Variants in MTUS2 observed in about 807,000 individuals in gnomAD.
MTUS2 encodes microtubule-associated tumor suppressor candidate 2.
Under a neutral mutation model 114.1 loss-of-function variants are expected in MTUS2, and 40 were observed. That is an observed-to-expected ratio of 0.35 (90% CI 0.27 to 0.46). MTUS2 has a LOEUF of 0.46. MTUS2 is among the 20% of genes least tolerant of loss of function. MTUS2 has a pLI of 1.00. For synonymous variants in MTUS2, 688 were observed against 672.0 expected, an observed-to-expected ratio of 1.02 and a Z score of -0.37; for missense variants, 1,679 against 1,705.4, an observed-to-expected ratio of 0.98 and a Z score of 0.27.
intron 2 of MTUS2, among the ~76,000 whole-genome samples, chr13:28,960,876 TAC>T (rs1883295909): frequency 6.6e-6 from 1 of 151,812 alleles, no homozygotes; most frequent in African/African-American, 2.4e-5. Flanking sequence ...TCAATAAATA[TAC>T]ACAATGTTTC....
chr13:28,894,155 C>G (rs1025909336), intron 2 of MTUS2, among the ~76,000 whole-genome samples: 11 of 151,270 alleles, frequency 7.3e-5, no homozygotes, highest in African/African-American at 2.4e-4. Context: ...TATTGAAGTT[C>G]CAGCTCCTAA....
chr13:29,480,326 G>T lies in MTUS2; in HGVS notation c.3361G>T (p.Asp1121Tyr). Residue 1121 changes from aspartate (D) to tyrosine (Y), a missense_variant, in exon 10 of 16, where the codon GAC (aspartate) becomes TAC (tyrosine). Asp to Tyr is a radical substitution (Grantham distance 160, BLOSUM62 -3). This residue lies in a region of MTUS2 where 822 missense variants were observed against 899.7 expected (regional missense o/e 0.91). Transcript: ENST00000612955. The surrounding 1 kb of genome is among the most constrained non-coding windows in gnomAD (Gnocchi z 4.4). ...GGCGCGCCTGCAGGAGGAGCACGGT[G>T]ACCAGCTGCTGAGCATCCGGTGTCA... The part of the protein sequence containing the change: ...EMARLQEEHG[D>Y]QLLSIRCQHQ... 1.3e-6 allele frequency: 2 copies of T among 1,551,428 alleles called. No homozygotes were observed. The highest frequency in any genetic ancestry group is 8.7e-7 in the Non-Finnish European group (1 of 1,147,240).
chr13:29,277,413 T>C (rs1274870337), intron 5 of MTUS2, among the ~76,000 whole-genome samples: 1 of 152,242 alleles, frequency 6.6e-6, no homozygotes, highest in East Asian at 1.9e-4. Context: ...GGAACTTATA[T>C]GCAAAAGTAA....
At chr13:29,334,733 T>C (rs1900963355) in intron 7 of MTUS2, among the ~76,000 whole-genome samples, 1 of 152,198 alleles carries the variant, frequency 6.6e-6, no homozygotes, top group Non-Finnish European at 1.5e-5. Flanking sequence ...ATCTTCTGAA[T>C]TTGAATGTTG....
chr13:28,827,961 A>G lies in MTUS2; in HGVS notation c.-316+7350A>G, dbSNP rs373749689. Among the ~76,000 whole-genome samples, 151 of 152,312 alleles carry G rather than the reference A, an allele frequency of 9.9e-4. 1 individual carries two copies. The highest frequency in any genetic ancestry group is 3.5e-3 in the African/African-American group (146 of 41,562). On this transcript the variant is annotated intron_variant, in intron 1 of 15. Transcript: ENST00000612955. ...TTGTCATTGATAACATCTTATCAGG[A>G]GACAGGGTTTGAGAGCAGACAACTA...
intron 4 of MTUS2, among the ~76,000 whole-genome samples, chr13:29,038,538 G>A (rs1308360198): frequency 1.3e-5 from 2 of 152,234 alleles, no homozygotes; most frequent in Non-Finnish European, 2.9e-5. Flanking sequence ...ACTTGAGGAG[G>A]CAGTCTGACC....
chr13:29,359,157 T>G, intron 7 of MTUS2, 105 bp from the exon 8 acceptor site: 1 of 1,111,738 alleles, frequency 9.0e-7, no homozygotes, highest in Non-Finnish European at 1.3e-6. Context: ...GTGGGCAATT[T>G]CTTCTCTACC....
chr13:29,167,043 GA>G (rs1312201532), intron 5 of MTUS2, among the ~76,000 whole-genome samples: 1 of 152,084 alleles, frequency 6.6e-6, no homozygotes, highest in African/African-American at 2.4e-5. Context: ...TATAATTCTT[GA>G]GTATTCTCTA....
chr13:29,072,603 C>G (rs965520699), intron 4 of MTUS2, among the ~76,000 whole-genome samples: 1 of 152,188 alleles, frequency 6.6e-6, no homozygotes, highest in Admixed American at 6.5e-5. Flanking sequence ...AATTTTACTT[C>G]CATTTTGAAA....
At chr13:28,924,199 G>A (rs183307502) in intron 2 of MTUS2, among the ~76,000 whole-genome samples, 4 of 152,286 alleles carry the variant, frequency 2.6e-5, no homozygotes, top group South Asian at 4.1e-4. Context: ...ACAGTCCTAG[G>A]TAGGTCCCTG....
intron 7 of MTUS2, among the ~76,000 whole-genome samples, chr13:29,338,267 T>C (rs1424010426): frequency 6.6e-6 from 1 of 152,182 alleles, no homozygotes; most frequent in East Asian, 1.9e-4. Context: ...TTTTTTTCTT[T>C]TGTACACTGT....
intron 10 of MTUS2, among the ~76,000 whole-genome samples, chr13:29,486,617 G>T (rs1011704196): frequency 3.9e-5 from 6 of 152,184 alleles, no homozygotes; most frequent in African/African-American, 1.2e-4. Context: ...CAAATGCCAA[G>T]TTTTGATGCA....
At chr13:29,346,581 C>A (rs1473670322) in intron 7 of MTUS2, among the ~76,000 whole-genome samples, 2 of 85,512 alleles carry the variant, frequency 2.3e-5, no homozygotes, top group Non-Finnish European at 5.2e-5. Flanking sequence ...GAGGGACATG[C>A]CCCAGGCTAC....
Position 29,026,355 on chromosome 13 carries a change from A to G in MTUS2, c.1657A>G (p.Ser553Gly). 2.5e-6 allele frequency: 4 copies of G among 1,613,998 alleles called. No individual in the cohort carries two copies. The highest frequency in any genetic ancestry group is 2.5e-6 in the Non-Finnish European group (3 of 1,179,882). Residue 553 changes from serine (S) to glycine (G), a missense_variant, in exon 3 of 16, where the codon AGC becomes GGC. Coordinates refer to ENST00000612955, the MANE Select transcript of MTUS2 (RefSeq NM_001033602.4). ...NMTYQPTTPSSSFQDVSVFGM... is the reference protein window; with the variant it reads ...NMTYQPTTPSGSFQDVSVFGM... ...GACCTACCAGCCTACAACACCCAGT[A>G]GCAGTTTTCAGGATGTTAGCGTGTT... is the stretch of plus-strand genomic sequence containing the variant.
chr13:29,487,949 A>G lies in MTUS2; in HGVS notation c.3449A>G (p.Asn1150Ser), dbSNP rs1356239794. 1.9e-6 allele frequency: 3 copies of G among 1,614,150 alleles called. No homozygotes were observed. The highest frequency in any genetic ancestry group is 2.5e-6 in the Non-Finnish European group (3 of 1,180,036). Reference protein sequence around the residue: ...SHDAALLEMENNHTVAITILQ... With the variant: ...SHDAALLEMESNHTVAITILQ... ...GATGCTGCTCTCCTAGAGATGGAAA[A>G]TAACCACACAGTTGCCATCACAATC... is the stretch of plus-strand genomic sequence containing the variant. Residue 1150 changes from asparagine to serine, a missense_variant, in exon 11 of 16, where the codon AAT becomes AGT. By Grantham distance (46) the Asn-to-Ser change is conservative (BLOSUM62 1). Coordinates refer to ENST00000612955, the MANE Select transcript of MTUS2 (RefSeq NM_001033602.4).
chr13:28,883,207 T>C (rs1170787075), intron 2 of MTUS2, among the ~76,000 whole-genome samples: 1 of 152,200 alleles, frequency 6.6e-6, no homozygotes, highest in Non-Finnish European at 1.5e-5. Flanking sequence ...TGGAGTAATG[T>C]AAAATAGTAC....
rs751059968 is a variant in MTUS2 at position 29,047,335 on chromosome 13, C to G, written c.2446+13210C>G. Among the ~76,000 whole-genome samples, 65 of 152,070 alleles carry G rather than the reference C, an allele frequency of 4.3e-4. 3 individuals carry two copies. Among genetic ancestry groups the G allele is most frequent in the Non-Finnish European group, 7.3e-5 (5 of 68,028 alleles). ...GCTCTCAGTCTTCTGTAGCTCCAGC[C>G]TTCGTGATAGCAGAGACCATATTTT... On this transcript the variant is annotated intron_variant, in intron 4 of 15. Transcript: ENST00000612955.
chr13:29,060,307 G>A (rs544844235), intron 4 of MTUS2, among the ~76,000 whole-genome samples: 4 of 152,068 alleles, frequency 2.6e-5, no homozygotes, highest in Non-Finnish European at 4.4e-5. Flanking sequence ...GGGGTGGGGC[G>A]GGGTGTCAAG....
At chr13:28,914,604 A>G (rs548022328) in intron 2 of MTUS2, among the ~76,000 whole-genome samples, 2 of 152,100 alleles carry the variant, frequency 1.3e-5, no homozygotes, top group African/African-American at 2.4e-5. Context: ...TATCAGGTCC[A>G]CTTGATCTAG....
Sources: allele counts gnomAD v4.1 joint callset (sites outside exome capture counted in the v4.1 genomes callset), GRCh38; gene constraint gnomAD v4.1.1; regional missense constraint gnomAD v4.1.1; non-coding constraint Gnocchi (gnomAD v3.1); transcripts MANE v1.5; gene names NCBI Gene and HGNC (gene_info 2026-07-23, HGNC 2026-07-21).